CTSF: variants seen among roughly 807,000 people sequenced by gnomAD.
CTSF encodes the protein cathepsin F.
Under a neutral mutation model 63.5 loss-of-function variants are expected in CTSF, and 65 were observed. The ratio of observed to expected loss-of-function variants is 1.02; its 90% CI spans 0.84 to 1.26. The LOEUF is 1.26. Among genes scored for constraint, CTSF ranks in the 50% most tolerant of loss-of-function variants. The pLI is 0.00. For synonymous variants in CTSF, 256 were observed against 258.1 expected, an observed-to-expected ratio of 0.99 and a Z score of 0.08; for missense variants, 641 against 631.0, an observed-to-expected ratio of 1.02 and a Z score of -0.17.
In CTSF at chr11:66,566,089, A is replaced by G; in HGVS notation, c.800T>C (p.Val267Ala). 6.2e-7 allele frequency: 1 copy of G among 1,614,162 alleles called. No individual in the cohort carries two copies. Among genetic ancestry groups the G allele is most frequent in the Non-Finnish European group, 8.5e-7 (1 of 1,180,024 alleles). ...CCATTCAGGTGGGGCGAGGTCACCC[A>G]CAGACTTGGCTTGCTTCATCTTGTT... ...PGNKMKQAKSVGDLAPPEWDW... is the reference protein window; with the variant it reads ...PGNKMKQAKSAGDLAPPEWDW... Residue 267 changes from valine (V) to alanine (A), a missense_variant, in exon 6 of 13, where the codon GTG becomes GCG. Transcript: ENST00000310325.
intron 2 of CTSF, 129 bp downstream of exon 2, chr11:66,567,855 G>T: frequency 7.1e-7 from 1 of 1,400,298 alleles, no homozygotes; most frequent in African/African-American, 1.4e-5. Flanking sequence ...CAGCCCTCGG[G>T]GCCTGGGAAG....
rs1465653305 is a variant in CTSF, at chr11:66,564,023, A to T, written c.1381-16T>A. The T allele has an allele frequency of 4.3e-6, 7 of 1,613,580 alleles. No homozygotes were observed. The highest frequency in any genetic ancestry group is 5.9e-6 in the Non-Finnish European group (7 of 1,179,960). On this transcript the variant is annotated splice_polypyrimidine_tract_variant and intron_variant, in intron 12 of 12. Transcript: ENST00000310325. The stretch of plus-strand genomic sequence containing the variant: ...AGTAGTAACCCTGGGGGAGAGGGGG[A>T]GCTGGTGAGGGCACCAGGGTAGGAT...
rs147398226 is a variant in CTSF, at chr11:66,566,079, G to A, written c.810C>T (p.Leu270=). 114 of 1,614,052 alleles carry A rather than the reference G, an allele frequency of 7.1e-5. No homozygotes were observed. In the East Asian group the frequency reaches 1.4e-3, roughly 20 times the overall value. The part of the protein sequence containing the change: ...KMKQAKSVGD[L]APPEWDWRSK... ...TCCTCCAGTCCCATTCAGGTGGGGC[G>A]AGGTCACCCACAGACTTGGCTTGCT... Residue 270 remains leucine (L), a synonymous_variant, in exon 6 of 13, where the codon CTC becomes CTT. Transcript: ENST00000310325.
intron 4 of CTSF, among the ~76,000 whole-genome samples, chr11:66,566,727 C>CTT (rs1158663636): frequency 1.1e-4 from 16 of 143,566 alleles, no homozygotes; most frequent in African/African-American, 3.8e-4. Context: ...TGCAGAGCTT[C>CTT]TTTTTTTTTT....
chr11:66,568,488 G>A lies in CTSF; in HGVS notation c.-2C>T, dbSNP rs1222482000. 7.4e-6 allele frequency: 11 copies of A among 1,479,362 alleles called. 1 individual carries two copies. The South Asian group carries it at 1.3e-4, about 17-fold the overall frequency. The allele number at this position is 1,479,362 out of a possible 1,614,324, so 91.6% of individuals were successfully genotyped here. A position where few individuals can be genotyped will look rare whatever the true frequency, so the allele number is the denominator to read the frequency against. On this transcript the variant is annotated 5_prime_UTR_variant, in exon 1 of 13. Transcript: ENST00000310325. ...CAGGAGCTGCAGCCAGGGCGCCATG[G>A]CGAGGGCGAAGCCGGCGGCCCGGAC...
chr11:66,567,450 C>G lies in CTSF; in HGVS notation c.525G>C (p.Leu175=), dbSNP rs756862766. The G allele has an allele frequency of 6.2e-7, 1 of 1,613,880 alleles. No homozygotes were observed. Among genetic ancestry groups the G allele is most frequent in the Non-Finnish European group, 8.5e-7 (1 of 1,179,916 alleles). ...CAAGCTGAGGGCTCCTCACCTGGGA[C>G]AGGGGATCCTCATTCAACAGGGAAA... ...SVISLLNEDP[L]SQDLPVKMAS... Residue 175 remains leucine, a synonymous_variant, in exon 3 of 13, where the codon CTG becomes CTC. Coordinates refer to ENST00000310325, the MANE Select transcript of CTSF (RefSeq NM_003793.4).
Position 66,568,591 on chromosome 11 carries a change from C to T in CTSF, c.-105G>A. 7 of 1,319,568 alleles carry T rather than the reference C, an allele frequency of 5.3e-6. No individual in the cohort carries two copies. Among genetic ancestry groups the T allele is most frequent in the South Asian group, 1.6e-5 (1 of 63,634 alleles). 81.7% of individuals were successfully genotyped at this position (1,319,568 alleles called of 1,614,324 possible). ...CTGAGTCCTCCCTCCAGCGGGGCGACGGCACGCCGACCAATGGGCGCTGGT... is the reference window on the plus strand; with the variant it reads ...CTGAGTCCTCCCTCCAGCGGGGCGATGGCACGCCGACCAATGGGCGCTGGT... On this transcript the variant is annotated 5_prime_UTR_variant, in exon 1 of 13. Transcript: ENST00000310325.
chr11:66,564,607 G>A lies in CTSF; in HGVS notation c.1272C>T (p.Cys424=). 8 of 1,599,790 alleles carry A rather than the reference G, an allele frequency of 5.0e-6. No homozygotes were observed. Among genetic ancestry groups the A allele is most frequent in the Non-Finnish European group, 6.0e-6 (7 of 1,173,580 alleles). ...CCGCATGGTCAATGAGCCAAGGGCT[G>A]CAGAGGGGCCGGAGAGGGCGGGAGA... ...HGISRPLRPL[C]SPWLIDHAVL... Residue 424 remains cysteine, a synonymous_variant, in exon 11 of 13, where the codon TGC becomes TGT. Coordinates refer to ENST00000310325, the MANE Select transcript of CTSF (RefSeq NM_003793.4).
In CTSF at chr11:66,564,804, G is replaced by T; in HGVS notation, c.1168C>A (p.Leu390Met). ...CCTCTCTTGGCCAGCCAGGCTGCCA[G>T]CTCTGAGATGGGAAGGGGTGGCATC... Reference protein sequence around the residue: ...SVELSQNEQKLAAWLAKRGPI... With the variant: ...SVELSQNEQKMAAWLAKRGPI... Residue 390 changes from leucine to methionine, a missense_variant and splice_region_variant, in exon 10 of 13, where the codon CTG becomes ATG. Physicochemically the swap from Leu to Met is conservative, Grantham distance 15. Transcript: ENST00000310325. 6.2e-7 allele frequency: 1 copy of T among 1,614,078 alleles called. No homozygotes were observed. Among genetic ancestry groups the T allele is most frequent in the Non-Finnish European group, 8.5e-7 (1 of 1,180,002 alleles).
At chr11:66,565,561 G>T in intron 8 of CTSF, 110 bp downstream of exon 8, 1 of 1,479,068 alleles carries the variant, frequency 6.8e-7, no homozygotes, top group South Asian at 1.2e-5. Context: ...TTAAGACCTG[G>T]ACCCAGTTCT....
chr11:66,568,512 A>G lies in CTSF; in HGVS notation c.-26T>C. On this transcript the variant is annotated 5_prime_UTR_variant, in exon 1 of 13. Coordinates refer to ENST00000310325, the MANE Select transcript of CTSF (RefSeq NM_003793.4). ...GGCGAGGGCGAAGCCGGCGGCCCGG[A>G]CCCAACAGACGCTCCACCGACCCAC... 1 of 1,482,986 alleles carries G rather than the reference A, an allele frequency of 6.7e-7. No individual in the cohort carries two copies. Among genetic ancestry groups the G allele is most frequent in the East Asian group, 3.0e-5 (1 of 33,754 alleles). The allele number at this position is 1,482,986 out of a possible 1,614,324, so 91.9% of individuals were successfully genotyped here. A position where few individuals can be genotyped will look rare whatever the true frequency, so the allele number is the denominator to read the frequency against.
At chr11:66,565,950 G>A (rs1477108410) in intron 6 of CTSF, 23 bp from the exon 7 acceptor site, 2 of 1,614,110 alleles carry the variant, frequency 1.2e-6, no homozygotes, top group South Asian at 2.2e-5. Flanking sequence ...GGTGGAGTTG[G>A]AGTCAGAGCC....
In CTSF at chr11:66,567,919, G is replaced by A. The variant is rs117848405; in HGVS notation, c.312+65C>T. The A allele has an allele frequency of 4.0e-4, 612 of 1,524,616 alleles. 3 individuals carry two copies. In the East Asian group the frequency reaches 0.013, roughly 32 times the overall value. The allele number at this position is 1,524,616 out of a possible 1,614,324, so 94.4% of individuals were successfully genotyped here. ...AGATCCCTGCGTCTTGACCTGACCC[G>A]TCATCATCCAACTGCTGCTTTACTC... is the stretch of plus-strand genomic sequence containing the variant. On this transcript the variant is annotated intron_variant, in intron 2 of 12. Coordinates refer to ENST00000310325, the MANE Select transcript of CTSF (RefSeq NM_003793.4).
In CTSF at chr11:66,565,895, G is replaced by A. The variant is rs967357477; in HGVS notation, c.900C>T (p.Val300=). The change falls in exon 7 of 13, where the codon GTC becomes GTT. Residue 300 remains valine, a synonymous_variant. Transcript: ENST00000310325. ...ACCACTGGCCCTCCACATTGCCTGT[G>A]ACTGAGAAGGCCCAGCAGGAGCCAC... ...GMCGSCWAFS[V]TGNVEGQWFL... 1.3e-5 allele frequency: 21 copies of A among 1,613,938 alleles called. No homozygotes were observed. The highest frequency in any genetic ancestry group is 2.7e-5 in the African/African-American group (2 of 74,928).
chr11:66,564,279 G>C (rs940645860), intron 11 of CTSF, 133 bp from the exon 12 acceptor site: 14 of 1,176,478 alleles, frequency 1.2e-5, no homozygotes, highest in African/African-American at 9.2e-5. Flanking sequence ...AGAAAGCGAG[G>C]GGCCCACCTA....
At chr11:66,567,799 C>A in intron 2 of CTSF, 137 bp from the exon 3 acceptor site, 1 of 1,382,594 alleles carries the variant, frequency 7.2e-7, no homozygotes. Context: ...GACAGTGAGG[C>A]ACGGCCTGCA....
Position 66,563,556 on chromosome 11 carries a change from A to T in CTSF, c.*377T>A. 1 of 437,870 alleles carries T rather than the reference A, an allele frequency of 2.3e-6. No homozygotes were observed. 27.1% of individuals were successfully genotyped at this position (437,870 alleles called of 1,614,324 possible). A position where few individuals can be genotyped will look rare whatever the true frequency, so the allele number is the denominator to read the frequency against. The stretch of plus-strand genomic sequence containing the variant: ...GGACACTATCCCTAAATCCAAGGGA[A>T]CCAGAAAATTTATAGTATCAAACAG... On this transcript the variant is annotated 3_prime_UTR_variant, in exon 13 of 13. Coordinates refer to ENST00000310325, the MANE Select transcript of CTSF (RefSeq NM_003793.4).
chr11:66,568,533 C>T lies in CTSF; in HGVS notation c.-47G>A. 1 of 1,477,246 alleles carries T rather than the reference C, an allele frequency of 6.8e-7. No homozygotes were observed. The highest frequency in any genetic ancestry group is 8.9e-7 in the Non-Finnish European group (1 of 1,121,098). 91.5% of individuals were successfully genotyped at this position (1,477,246 alleles called of 1,614,324 possible). ...CCGGACCCAACAGACGCTCCACCGA[C>T]CCACCGGGTACCGAGCCCGCGGCCA... On this transcript the variant is annotated 5_prime_UTR_variant, in exon 1 of 13. Transcript: ENST00000310325.
rs1382980447 is a variant in CTSF at position 66,564,767 on chromosome 11, A to G, written c.1205T>C (p.Val402Ala). The change falls in exon 10 of 13, where the codon GTG (valine) becomes GCG (alanine). Residue 402 changes from valine to alanine, a missense_variant. Physicochemically the swap from Val to Ala is moderately conservative, Grantham distance 64. Coordinates refer to ENST00000310325, the MANE Select transcript of CTSF (RefSeq NM_003793.4). ...CTGCATGCCAAAGGCATTGATGGCCACGGAGATTGGGCCTCTCTTGGCCAG... is the reference window on the plus strand; with the variant it reads ...CTGCATGCCAAAGGCATTGATGGCCGCGGAGATTGGGCCTCTCTTGGCCAG... ...AWLAKRGPISVAINAFGMQFY... is the reference protein window; with the variant it reads ...AWLAKRGPISAAINAFGMQFY... 1 of 1,614,070 alleles carries G rather than the reference A, an allele frequency of 6.2e-7. No homozygotes were observed. Among genetic ancestry groups the G allele is most frequent in the Non-Finnish European group, 8.5e-7 (1 of 1,180,024 alleles).
Sources: gnomAD v4.1 joint callset for allele counts (sites outside exome capture counted in the v4.1 genomes callset) on GRCh38, gnomAD v4.1.1 for gene constraint, MANE v1.5 for transcripts, NCBI Gene and HGNC (gene_info 2026-07-23, HGNC 2026-07-21) for gene names.